Variants in PHACTR2 observed in about 807,000 individuals in gnomAD.
PHACTR2 encodes phosphatase and actin regulator 2, also known as chromosome 6 open reading frame 56.
Under a neutral mutation model 76.0 loss-of-function variants are expected in PHACTR2, and 30 were observed. The ratio of observed to expected loss-of-function variants is 0.39; its 90% CI spans 0.30 to 0.54. The LOEUF (loss-of-function observed/expected upper bound fraction) is 0.54. PHACTR2 is among the 20% of genes least tolerant of loss of function. PHACTR2 has a pLI of 0.61. For missense variants in PHACTR2, 696 were observed against 781.1 expected, an observed-to-expected ratio of 0.89 and a Z score of 1.30; for synonymous variants, 292 against 292.5, an observed-to-expected ratio of 1.00 and a Z score of 0.02.
rs1776553589 is a variant in PHACTR2 at position 143,827,158 on chromosome 6, ATATATATATATATATATATATAT to A, written c.*3470_*3492del. 4 of 33,816 alleles carry A rather than the reference ATATATATATATATATATATATAT, an allele frequency of 1.2e-4. No individual in the cohort carries two copies. The highest frequency in any genetic ancestry group is 4.9e-4 in the African/African-American group (4 of 8,146). The allele number at this position is 33,816 out of a possible 1,614,324, so 2.1% of individuals were successfully genotyped here. A position where few individuals can be genotyped will look rare whatever the true frequency, so the allele number is the denominator to read the frequency against. On this transcript the variant is annotated 3_prime_UTR_variant, in exon 13 of 13. Transcript: ENST00000440869. ...CTGCGTTGGCATTAAAAAAGAAAAT[ATATATATATATATATATATATAT>A]ATATATATATATATATATGTATATT...
rs1305348444 is a variant in PHACTR2 at position 143,823,702 on chromosome 6, C to G, written c.*13C>G. ...TCATCGTCCATAACGAAGAGTGAGA[C>G]TATTTGGAAACAGAGACTGATCATC... On this transcript the variant is annotated 3_prime_UTR_variant, in exon 13 of 13. Coordinates refer to ENST00000440869, the MANE Select transcript of PHACTR2 (RefSeq NM_001100164.2). This position sits in a 1 kb window ranked among gnomAD's most constrained non-coding sequence, Gnocchi z 5.7. The G allele has an allele frequency of 6.2e-7, 1 of 1,606,406 alleles. No individual in the cohort carries two copies. The highest frequency in any genetic ancestry group is 8.5e-7 in the Non-Finnish European group (1 of 1,173,052).
In PHACTR2 at chr6:143,831,004, T is replaced by C. The variant is rs959769123; in HGVS notation, c.*7315T>C. On this transcript the variant is annotated 3_prime_UTR_variant, in exon 13 of 13. Coordinates refer to ENST00000440869, the MANE Select transcript of PHACTR2 (RefSeq NM_001100164.2). The surrounding 1 kb of genome is among the most constrained non-coding windows in gnomAD (Gnocchi z 5.2). ...ACATGTAAGGCCTGGTACTTTTTAT[T>C]TAAAATGTCTGTCTAAAGAATTACT... The C allele has an allele frequency of 3.3e-5, 5 of 152,258 alleles. No homozygotes were observed. The highest frequency in any genetic ancestry group is 5.9e-5 in the Non-Finnish European group (4 of 68,042). The allele number at this position is 152,258 out of a possible 1,614,324, so 9.4% of individuals were successfully genotyped here.
chr6:143,744,881 G>C (rs1779022518), intron 2 of PHACTR2, among the ~76,000 whole-genome samples: 1 of 152,148 alleles, frequency 6.6e-6, no homozygotes, highest in Admixed American at 6.5e-5. Context: ...TATCAGAATT[G>C]AACTGTCAAA....
Position 143,749,591 on chromosome 6 carries a change from C to G in PHACTR2, c.295+526C>G, listed in dbSNP as rs75743786. Among the ~76,000 whole-genome samples the G allele has an allele frequency of 5.8e-3, 877 of 152,232 alleles. 11 individuals are homozygous for G. Among genetic ancestry groups the G allele is most frequent in the African/African-American group, 0.02 (838 of 41,530 alleles). On this transcript the variant is annotated intron_variant, in intron 3 of 12. Transcript: ENST00000440869. The stretch of plus-strand genomic sequence containing the variant: ...TAAACTAACCTGCTTTCTGCTTTCT[C>G]TCATGTAATTTTGCAGTACTGTTCT...
chr6:143,788,947 C>A (rs761839428), intron 11 of PHACTR2, 37 bp downstream of exon 11: 5 of 1,580,070 alleles, frequency 3.2e-6, no homozygotes, highest in Non-Finnish European at 4.3e-6. Flanking sequence ...GATTGTATTG[C>A]TTTTCTGGAA....
At chr6:143,609,304 G>A (rs1775939288) in intron 1 of PHACTR2, among the ~76,000 whole-genome samples, 1 of 152,200 alleles carries the variant, frequency 6.6e-6, no homozygotes, top group Admixed American at 6.5e-5. Flanking sequence ...TAAAGTCAGC[G>A]TGTATTAGGT....
At chr6:143,579,990 A>T (rs1775554766) in intron 1 of PHACTR2, among the ~76,000 whole-genome samples, 1 of 151,876 alleles carries the variant, frequency 6.6e-6, no homozygotes. Flanking sequence ...GGGACTGGGG[A>T]CCTTAGTTCC....
In PHACTR2 at chr6:143,553,280, A is replaced by C. The variant is rs1005404541; in HGVS notation, c.217+16073A>C. ...TTTTAATGAGTGATAGACTATTGCT[A>C]TAGAGAACTATTCAGTGTGAACTGA... is the stretch of plus-strand genomic sequence containing the variant. On this transcript the variant is annotated intron_variant, in intron 1 of 11. Transcript: ENST00000367584. This position sits in a 1 kb window ranked among gnomAD's most constrained non-coding sequence, Gnocchi z 4.2. 2.0e-5 allele frequency among the ~76,000 whole-genome samples: 3 copies of C among 152,262 alleles called. No homozygotes were observed. Among genetic ancestry groups the C allele is most frequent in the South Asian group, 2.1e-4 (1 of 4,830 alleles).
At chr6:143,785,415 G>T (rs1195764737) in intron 10 of PHACTR2, among the ~76,000 whole-genome samples, 1 of 152,190 alleles carries the variant, frequency 6.6e-6, no homozygotes, top group Non-Finnish European at 1.5e-5. Flanking sequence ...CTGTGGCTTT[G>T]CAGGGTACAG....
At chr6:143,785,471 C>T (rs1775534373) in intron 10 of PHACTR2, among the ~76,000 whole-genome samples, 2 of 152,190 alleles carry the variant, frequency 1.3e-5, no homozygotes, top group South Asian at 4.1e-4. Flanking sequence ...GTGTCTGCAG[C>T]TTTTCTAGAC....
chr6:143,781,119 A>G (rs1017053385), intron 9 of PHACTR2, among the ~76,000 whole-genome samples: 1 of 152,234 alleles, frequency 6.6e-6, no homozygotes, highest in Non-Finnish European at 1.5e-5. Flanking sequence ...TCTCTACAAG[A>G]TGAAAGTAAA....
Position 143,652,085 on chromosome 6 carries a change from C to T in PHACTR2, c.13+43763C>T, listed in dbSNP as rs1318131514. The stretch of plus-strand genomic sequence containing the variant: ...TTTAAGCAAAAAAAAAAAAAAAGGC[C>T]GGTAAACACTGGTGATTCTGCTTTA... On this transcript the variant is annotated intron_variant, in intron 1 of 11. Transcript: ENST00000305766. The surrounding 1 kb of genome is among the most constrained non-coding windows in gnomAD (Gnocchi z 4.5). 2.7e-5 allele frequency among the ~76,000 whole-genome samples: 4 copies of T among 148,464 alleles called. No individual in the cohort carries two copies. Among genetic ancestry groups the T allele is most frequent in the South Asian group, 2.1e-4 (1 of 4,770 alleles).
rs1015113265 is a variant in PHACTR2 at position 143,549,984 on chromosome 6, C to T, written c.217+12777C>T. Among the ~76,000 whole-genome samples, 1 of 151,958 alleles carries T rather than the reference C, an allele frequency of 6.6e-6. No individual in the cohort carries two copies. Among genetic ancestry groups the T allele is most frequent in the African/African-American group, 2.4e-5 (1 of 41,428 alleles). On this transcript the variant is annotated intron_variant, in intron 1 of 11. Transcript: ENST00000367584. This position sits in a 1 kb window ranked among gnomAD's most constrained non-coding sequence, Gnocchi z 4.2. ...GATGAAAACTGAGAGTCCCGGTCAG[C>T]TTACACCAGAAAGTGCCAAGGCTAC...
chr6:143,608,059 A>G (rs1206394080), upstream of PHACTR2: 1 of 537,774 alleles, frequency 1.9e-6, no homozygotes. This position sits in a 1 kb window ranked among gnomAD's most constrained non-coding sequence, Gnocchi z 4.6. Flanking sequence ...AGAGGTGGAA[A>G]CCCCAGGGGA....
intron 1 of PHACTR2, among the ~76,000 whole-genome samples, chr6:143,667,397 T>C (rs761657453): frequency 2.0e-5 from 3 of 152,234 alleles, no homozygotes; most frequent in Non-Finnish European, 4.4e-5. Context: ...TAAAGTAGTT[T>C]TTTAAAAATT....
rs1376450613 is a variant in PHACTR2, at chr6:143,722,348, T to G, written c.214+10165T>G. On this transcript the variant is annotated intron_variant, in intron 2 of 12. Coordinates refer to ENST00000440869, the MANE Select transcript of PHACTR2 (RefSeq NM_001100164.2). This position sits in a 1 kb window ranked among gnomAD's most constrained non-coding sequence, Gnocchi z 4.1. ...GTTTTTTTTTCTATTCTGGCCACTGTCCTCCATGATATCTGGTTTTATACC... is the reference window on the plus strand; with the variant it reads ...GTTTTTTTTTCTATTCTGGCCACTGGCCTCCATGATATCTGGTTTTATACC... Among the ~76,000 whole-genome samples the G allele has an allele frequency of 6.6e-6, 1 of 152,168 alleles. No homozygotes were observed. Among genetic ancestry groups the G allele is most frequent in the Non-Finnish European group, 1.5e-5 (1 of 68,024 alleles).
Position 143,777,318 on chromosome 6 carries a change from GTCA to G in PHACTR2, c.1590-5_1590-3del, listed in dbSNP as rs1775306288. ...TTTTAACCTGTAATATATCCTTTTT[GTCA>G]TCATAGGAGGCTGAGCCAGAGGCCC... On this transcript the variant is annotated splice_region_variant and splice_polypyrimidine_tract_variant and intron_variant, in intron 8 of 12. Coordinates refer to ENST00000440869, the MANE Select transcript of PHACTR2 (RefSeq NM_001100164.2). This position sits in a 1 kb window ranked among gnomAD's most constrained non-coding sequence, Gnocchi z 4.6. 6.4e-7 allele frequency: 1 copy of G among 1,558,028 alleles called. No individual in the cohort carries two copies. The highest frequency in any genetic ancestry group is 8.8e-7 in the Non-Finnish European group (1 of 1,136,524).
intron 1 of PHACTR2, among the ~76,000 whole-genome samples, chr6:143,575,893 A>G (rs1775501320): frequency 1.3e-5 from 2 of 152,204 alleles, no homozygotes; most frequent in Non-Finnish European, 2.9e-5. Context: ...TAGAAAAAAA[A>G]AGTCTATGTT....
rs1191285863 is a variant in PHACTR2 at position 143,541,610 on chromosome 6, G to C, written c.217+4403G>C. ...ATCTCTTCAGTATCCCTATGCCCTG[G>C]TATATATAGGCATAGGGGTAACAGC... On this transcript the variant is annotated intron_variant, in intron 1 of 11. Transcript: ENST00000367584. This position sits in a 1 kb window ranked among gnomAD's most constrained non-coding sequence, Gnocchi z 5.3. Among the ~76,000 whole-genome samples, 1 of 152,000 alleles carries C rather than the reference G, an allele frequency of 6.6e-6. No individual in the cohort carries two copies. Among genetic ancestry groups the C allele is most frequent in the Non-Finnish European group, 1.5e-5 (1 of 68,026 alleles).
Sources: gnomAD v4.1 joint callset for allele counts (sites outside exome capture counted in the v4.1 genomes callset) on GRCh38, gnomAD v4.1.1 for gene constraint, Gnocchi (gnomAD v3.1) non-coding constraint, MANE v1.5 for transcripts, NCBI Gene and HGNC (gene_info 2026-07-23, HGNC 2026-07-21) for gene names.